Variants in TRDN observed in about 807,000 individuals in gnomAD.
TRDN encodes the protein triadin in skeletal muscle.
A neutral mutation model predicts 149.7 loss-of-function variants in TRDN; 161 were observed. That is an observed-to-expected ratio of 1.08 (90% confidence interval 0.95 to 1.23). The LOEUF (loss-of-function observed/expected upper bound fraction) is 1.23. TRDN is among the 50% of genes most tolerant of loss of function. TRDN has a pLI of 0.00. For synonymous variants in TRDN, 294 were observed against 250.5 expected (o/e 1.17, Z -1.64); for missense variants, 896 against 823.5 (o/e 1.09, Z -1.08).
intron 24 of TRDN, among the ~76,000 whole-genome samples, chr6:123,299,764 T>C (rs1778336664): frequency 6.6e-6 from 1 of 152,040 alleles, no homozygotes. Flanking sequence ...AGCATTGTTT[T>C]AAAAACTAGT....
chr6:123,241,561 A>G (rs1403132815), intron 38 of TRDN, among the ~76,000 whole-genome samples: 6 of 151,848 alleles, frequency 4.0e-5, no homozygotes, highest in African/African-American at 1.4e-4. Flanking sequence ...ATGCAGAACC[A>G]AAATACTAGA....
intron 34 of TRDN, 126 bp from the exon 35 acceptor site, chr6:123,259,788 T>C (rs11966668): frequency 3.2e-6 from 2 of 633,606 alleles, no homozygotes; most frequent in African/African-American, 1.9e-5. Context: ...GCTCTCTCAT[T>C]TCATTTTTGT....
At chr6:123,611,037 T>C (rs915255651) in intron 1 of TRDN, among the ~76,000 whole-genome samples, 3 of 151,928 alleles carry the variant, frequency 2.0e-5, no homozygotes, top group Non-Finnish European at 2.9e-5. Context: ...AATAGAAAAA[T>C]AACACAAGGG....
chr6:123,329,942 G>A (rs1197908937), intron 23 of TRDN, among the ~76,000 whole-genome samples: 1 of 151,906 alleles, frequency 6.6e-6, no homozygotes, highest in Non-Finnish European at 1.5e-5. Context: ...GTAAAACTGA[G>A]GATTTAGCTA....
intron 1 of TRDN, among the ~76,000 whole-genome samples, chr6:123,587,653 A>G (rs1446356012): frequency 6.6e-6 from 1 of 152,148 alleles, no homozygotes; most frequent in Non-Finnish European, 1.5e-5. Context: ...TTGTGTGAGC[A>G]ATAAAGCTGT....
At chr6:123,460,565 A>C (rs1776391529) in intron 10 of TRDN, among the ~76,000 whole-genome samples, 1 of 152,146 alleles carries the variant, frequency 6.6e-6, no homozygotes, top group African/African-American at 2.4e-5. Context: ...TATTATATTG[A>C]CCTGAAGTTC....
At chr6:123,405,149 C>G (rs990723056) in intron 12 of TRDN, among the ~76,000 whole-genome samples, 3 of 152,150 alleles carry the variant, frequency 2.0e-5, no homozygotes, top group African/African-American at 7.2e-5. Flanking sequence ...CTAGAGGTTG[C>G]CTTTAACCAT....
At chr6:123,574,851 TATATACATATATA>T (rs1562399274) in intron 1 of TRDN, among the ~76,000 whole-genome samples, 8 of 35,962 alleles carry the variant, frequency 2.2e-4, no homozygotes, top group East Asian at 1.0e-3. Flanking sequence ...CATGAATTTA[TATATACATATATA>T]TATATATATA....
At chr6:123,305,237 T>C (rs2114678089) in intron 24 of TRDN, among the ~76,000 whole-genome samples, 1 of 152,288 alleles carries the variant, frequency 6.6e-6, no homozygotes, top group Non-Finnish European at 1.5e-5. Flanking sequence ...CTTAAGACAG[T>C]AAGCAAATTC....
At chr6:123,418,142 G>C (rs891374072) in intron 12 of TRDN, among the ~76,000 whole-genome samples, 1 of 152,132 alleles carries the variant, frequency 6.6e-6, no homozygotes, top group African/African-American at 2.4e-5. Flanking sequence ...TGTCATAATA[G>C]GTAGGGTAAG....
intron 1 of TRDN, among the ~76,000 whole-genome samples, chr6:123,609,589 G>A (rs1037745899): frequency 3.3e-5 from 5 of 152,210 alleles, no homozygotes; most frequent in African/African-American, 9.6e-5. Context: ...ATATAAGTTG[G>A]CAAAACACAG....
chr6:123,533,833 T>C (rs1780373965), intron 4 of TRDN, among the ~76,000 whole-genome samples: 1 of 152,082 alleles, frequency 6.6e-6, no homozygotes, highest in Non-Finnish European at 1.5e-5. Context: ...ACTTGCATGT[T>C]GGATATGCTT....
At chr6:123,551,352 C>T (rs1249644977) in intron 2 of TRDN, among the ~76,000 whole-genome samples, 6 of 149,608 alleles carry the variant, frequency 4.0e-5, no homozygotes, top group Admixed American at 1.3e-4. Flanking sequence ...TACACACACA[C>T]ACACACACAC....
chr6:123,528,353 A>C (rs1470521702), intron 5 of TRDN, among the ~76,000 whole-genome samples: 1 of 151,636 alleles, frequency 6.6e-6, no homozygotes, highest in Non-Finnish European at 1.5e-5. Context: ...CATGCTTCTA[A>C]AACCTTTCAG....
chr6:123,397,717 T>C (rs1173198425), intron 12 of TRDN, among the ~76,000 whole-genome samples: 2 of 152,176 alleles, frequency 1.3e-5, no homozygotes, highest in African/African-American at 2.4e-5. Context: ...GTAGAATATA[T>C]GGTAACCCAC....
intron 4 of TRDN, among the ~76,000 whole-genome samples, chr6:123,539,734 A>G (rs1369888337): frequency 3.9e-5 from 6 of 152,134 alleles, no homozygotes; most frequent in Non-Finnish European, 7.4e-5. Flanking sequence ...ATGTTTTGGG[A>G]TTTTGTTAAC....
intron 23 of TRDN, among the ~76,000 whole-genome samples, chr6:123,320,380 G>A (rs570373444): frequency 3.8e-4 from 58 of 151,880 alleles, no homozygotes; most frequent in African/African-American, 1.3e-3. Flanking sequence ...GTCCTGGGAT[G>A]ATTTTTTTAT....
chr6:123,491,434 CAG>C (rs1469230092), intron 9 of TRDN, among the ~76,000 whole-genome samples: 1 of 152,066 alleles, frequency 6.6e-6, no homozygotes, highest in Non-Finnish European at 1.5e-5. Flanking sequence ...TCTTTGAAAA[CAG>C]GGAATATAAG....
At position 123,366,146 on chromosome 6, in the gene TRDN, G is replaced by A; in HGVS notation, c.1310C>T (p.Ser437Leu). 1 of 1,612,192 alleles carries A rather than the reference G, an allele frequency of 6.2e-7. No individual in the cohort carries two copies. Among genetic ancestry groups the A allele is most frequent in the Admixed American group, 1.7e-5 (1 of 59,890 alleles). ...TAAGCTGCATTTACCTTTTTTAATT[G>A]AAACCGCACCAATCTCCTCTTTGGC... Reference protein sequence around the residue: ...ERAKEEIGAVSIKKAVPGKKE... With the variant: ...ERAKEEIGAVLIKKAVPGKKE... Residue 437 changes from serine (S) to leucine (L), a missense_variant, in exon 20 of 41, where the codon TCA (serine) becomes TTA (leucine). Ser to Leu is a moderately radical substitution (Grantham distance 145, BLOSUM62 -2). Coordinates refer to ENST00000334268, the MANE Select transcript of TRDN (RefSeq NM_006073.4).
Sources: allele counts gnomAD v4.1 joint callset (sites outside exome capture counted in the v4.1 genomes callset), GRCh38; gene constraint gnomAD v4.1.1; transcripts MANE v1.5; gene names NCBI Gene and HGNC (gene_info 2026-07-23, HGNC 2026-07-21).